Variants in CUZD1 observed in about 807,000 individuals in gnomAD.
CUZD1 encodes CUB and zona pellucida-like domain-containing protein 1.
A neutral mutation model predicts 53.1 loss-of-function variants in CUZD1; 42 were observed. The ratio of observed to expected loss-of-function variants is 0.79; its 90% CI spans 0.62 to 1.02. CUZD1 has a LOEUF of 1.02. CUZD1 is among the 50% of genes least tolerant of loss of function. The pLI, the probability that CUZD1 is intolerant of heterozygous loss-of-function variation, is 0.00. For synonymous variants in CUZD1, 238 were observed against 257.2 expected (o/e 0.93, Z 0.71); for missense variants, 670 against 715.7 (o/e 0.94, Z 0.73).
chr10:122,839,181 C>T lies in CUZD1; in HGVS notation c.284G>A (p.Gly95Glu). The change falls in exon 3 of 9, where the codon GGA (glycine) becomes GAA (glutamate). Residue 95 changes from glycine (G) to glutamate (E), a missense_variant. Gly to Glu is a moderately conservative substitution (Grantham distance 98, BLOSUM62 -2). Transcript: ENST00000392790. ...TAGCAGAGGCCCATTGCTGGAGGTTCCGTCAAAGACTTTAATGTTTTCACT... is the reference window on the plus strand; with the variant it reads ...TAGCAGAGGCCCATTGCTGGAGGTTTCGTCAAAGACTTTAATGTTTTCACT... ...CESENIKVFD[G>E]TSSNGPLLGQ... The T allele has an allele frequency of 6.2e-7, 1 of 1,614,086 alleles. No individual in the cohort carries two copies. Among genetic ancestry groups the T allele is most frequent in the Non-Finnish European group, 8.5e-7 (1 of 1,179,960 alleles).
chr10:122,840,667 C>T (rs1847327153), intron 2 of CUZD1, among the ~76,000 whole-genome samples: 1 of 152,028 alleles, frequency 6.6e-6, no homozygotes. Flanking sequence ...ATAAAAAGCA[C>T]TTATAAATGT....
chr10:122,833,365 G>A (rs1443261178), intron 8 of CUZD1, among the ~76,000 whole-genome samples: 1 of 151,868 alleles, frequency 6.6e-6, no homozygotes, highest in East Asian at 1.9e-4. Context: ...TATCTGCTAT[G>A]CCATCTATAA....
chr10:122,834,826 G>A lies in CUZD1; in HGVS notation c.1262C>T (p.Thr421Ile). The change falls in exon 7 of 9, where the codon ACT becomes ATT. Residue 421 changes from threonine to isoleucine, a missense_variant. By Grantham distance (89) the Thr-to-Ile change is moderately conservative. Transcript: ENST00000392790. ...ESPYYVDLNQTLFVQVSLHTS... is the reference protein window; with the variant it reads ...ESPYYVDLNQILFVQVSLHTS... ...GTGCAGACTAACTTGAACAAAAAGA[G>A]TTTGGTTCAAATCCACATAATATGG... is the stretch of plus-strand genomic sequence containing the variant. 1 of 1,613,768 alleles carries A rather than the reference G, an allele frequency of 6.2e-7. No homozygotes were observed. Among genetic ancestry groups the A allele is most frequent in the East Asian group, 2.2e-5 (1 of 44,854 alleles).
chr10:122,835,949 T>C (rs1269079598), intron 6 of CUZD1, among the ~76,000 whole-genome samples: 2 of 152,190 alleles, frequency 1.3e-5, no homozygotes, highest in African/African-American at 4.8e-5. Context: ...GTTCTTTACC[T>C]TCTGGGAAAG....
chr10:122,834,145 A>T, intron 7 of CUZD1, among the ~76,000 whole-genome samples: 1 of 152,358 alleles, frequency 6.6e-6, no homozygotes, highest in East Asian at 1.9e-4. Context: ...TTCCTGGTCC[A>T]TATAACTTAA....
In CUZD1 at chr10:122,843,903, TTAGA is replaced by T. The variant is rs533502097; in HGVS notation, c.82+1855_82+1858del. On this transcript the variant is annotated intron_variant, in intron 1 of 8. Transcript: ENST00000392790. Reference sequence around the variant, plus strand: ...ATATAATATACAGTTATATATATTGTTAGATATATTTATATATATATAAAACATT... The same window carrying T: ...ATATAATATACAGTTATATATATTGTTATATTTATATATATATAAAACATT... Among the ~76,000 whole-genome samples the T allele has an allele frequency of 5.5e-3, 810 of 147,334 alleles. 6 individuals are homozygous for T. Among genetic ancestry groups the T allele is most frequent in the African/African-American group, 0.019 (755 of 40,400 alleles).
Position 122,833,743 on chromosome 10 carries a change from T to A in CUZD1, c.1580A>T (p.Tyr527Phe). ...VSRSKRDISS[Y>F]KWKTDSIIGP... ...TATGATGGAATCTGTTTTCCATTTA[T>A]ATGAAGAAATGTCTCGTTTGCTTCT... Residue 527 changes from tyrosine (Y) to phenylalanine (F), a missense_variant, in exon 8 of 9, where the codon TAT becomes TTT. By Grantham distance (22) the Tyr-to-Phe change is conservative (BLOSUM62 3). Transcript: ENST00000392790. 1 of 1,614,010 alleles carries A rather than the reference T, an allele frequency of 6.2e-7. No individual in the cohort carries two copies. The highest frequency in any genetic ancestry group is 1.3e-5 in the African/African-American group (1 of 75,050).
chr10:122,835,885 G>T (rs1847242763), intron 6 of CUZD1, among the ~76,000 whole-genome samples: 1 of 152,086 alleles, frequency 6.6e-6, no homozygotes, highest in East Asian at 1.9e-4. Context: ...TTACTGGTAG[G>T]CTATTAAGCC....
chr10:122,832,442 G>A lies in CUZD1; in HGVS notation c.1660C>T (p.His554Tyr). Residue 554 changes from histidine to tyrosine, a missense_variant, in exon 9 of 9, where the codon CAT becomes TAT. By Grantham distance (83) the His-to-Tyr change is moderately conservative. Coordinates refer to ENST00000392790, the MANE Select transcript of CUZD1 (RefSeq NM_022034.6). ...GGAGTTTCTTCCGCATGTGTTTCAT[G>A]CTGAAATCCTAAAATTGGAAACAAG... ...RSASGNSGFQ[H>Y]ETHAEETPNQ... The A allele has an allele frequency of 1.2e-6, 2 of 1,612,732 alleles. No homozygotes were observed. The highest frequency in any genetic ancestry group is 1.7e-6 in the Non-Finnish European group (2 of 1,179,424).
intron 1 of CUZD1, among the ~76,000 whole-genome samples, chr10:122,843,227 C>T (rs1372886085): frequency 2.0e-5 from 3 of 152,166 alleles, no homozygotes; most frequent in Non-Finnish European, 2.9e-5. Context: ...AAAACATGGT[C>T]TATCCATACA....
rs780911533 is a variant in CUZD1, at chr10:122,839,127, A to C, written c.338T>G (p.Val113Gly). Residue 113 changes from valine (V) to glycine (G), a missense_variant, in exon 3 of 9, where the codon GTT (valine) becomes GGT (glycine). By Grantham distance (109) the Val-to-Gly change is moderately radical. Transcript: ENST00000392790. ...LGQVCSKNDY[V>G]PVFESSSSTL... is the part of the protein sequence containing the mutation. ...ACTGGATGATGATTCAAATACAGGA[A>C]CATAGTCGTTTTTACTGCAGACTTG... 1 of 1,614,184 alleles carries C rather than the reference A, an allele frequency of 6.2e-7. No individual in the cohort carries two copies. Among genetic ancestry groups the C allele is most frequent in the Non-Finnish European group, 8.5e-7 (1 of 1,179,994 alleles).
At chr10:122,841,092 AAT>A in intron 2 of CUZD1, 84 bp downstream of exon 2, 1 of 1,281,568 alleles carries the variant, frequency 7.8e-7, no homozygotes, top group Non-Finnish European at 1.1e-6. Context: ...GCAGCAGCTG[AAT>A]TCTTTCTACA....
Position 122,836,862 on chromosome 10 carries a change from G to A in CUZD1, c.786C>T (p.Tyr262=). 2 of 1,613,644 alleles carry A rather than the reference G, an allele frequency of 1.2e-6. No individual in the cohort carries two copies. The highest frequency in any genetic ancestry group is 1.1e-5 in the South Asian group (1 of 91,078). The change falls in exon 5 of 9, where the codon TAC becomes TAT. Residue 262 remains tyrosine (Y), a synonymous_variant. Transcript: ENST00000392790. ...TGATGTTTTCTGCATAAATTGAGGT[G>A]TAGGAAGCAGAAAATCCCCGGTAAG... ...ANSYRGFSAS[Y]TSIYAENINT...
At chr10:122,837,294 A>G (rs1187518254) in intron 4 of CUZD1, 110 bp downstream of exon 4, 1 of 1,145,416 alleles carries the variant, frequency 8.7e-7, no homozygotes, top group Admixed American at 2.1e-5. Context: ...AATTCTTTGA[A>G]AAGTGCCCAT....
At chr10:122,836,131 A>G (rs368338115) in intron 6 of CUZD1, 47 bp downstream of exon 6, 47 of 1,536,106 alleles carry the variant, frequency 3.1e-5, no homozygotes, top group Non-Finnish European at 4.0e-5. Flanking sequence ...ATTGCTCAAC[A>G]TGCACTCAGC....
At chr10:122,843,713 G>C (rs1847380694) in intron 1 of CUZD1, among the ~76,000 whole-genome samples, 1 of 151,070 alleles carries the variant, frequency 6.6e-6, no homozygotes, top group Non-Finnish European at 1.5e-5. Context: ...TATAGAGACA[G>C]AAAGTAGAGT....
At chr10:122,836,489 T>C (rs1302153979) in intron 5 of CUZD1, 139 bp from the exon 6 acceptor site, 2 of 730,732 alleles carry the variant, frequency 2.7e-6, no homozygotes, top group East Asian at 2.8e-5. Context: ...AAATTTGAGA[T>C]AGCCAAGCAA....
chr10:122,834,003 A>G, intron 7 of CUZD1, 63 bp from the exon 8 acceptor site: 1 of 1,487,952 alleles, frequency 6.7e-7, no homozygotes, highest in Non-Finnish European at 9.1e-7. Flanking sequence ...TCCATACTAA[A>G]AAGTTTTCTC....
Position 122,837,474 on chromosome 10 carries a change from G to C in CUZD1, c.529C>G (p.Leu177Val), listed in dbSNP as rs1245024196. The change falls in exon 4 of 9, where the codon CTG becomes GTG. Residue 177 changes from leucine to valine, a missense_variant. Coordinates refer to ENST00000392790, the MANE Select transcript of CUZD1 (RefSeq NM_022034.6). ...TGTATGTGCCACACACAATAAGCCA[G>C]CTCAGGATGCGGCTTTGGGTAATTG... ...SPNYPKPHPE[L>V]AYCVWHIQVE... is the part of the protein sequence containing the mutation. 5.6e-6 allele frequency: 9 copies of C among 1,612,172 alleles called. No individual in the cohort carries two copies. The highest frequency in any genetic ancestry group is 7.6e-6 in the Non-Finnish European group (9 of 1,179,366).
Sources: allele counts gnomAD v4.1 joint callset (sites outside exome capture counted in the v4.1 genomes callset), GRCh38; gene constraint gnomAD v4.1.1; transcripts MANE v1.5; gene names NCBI Gene and HGNC (gene_info 2026-07-23, HGNC 2026-07-21).